ANK3: variants seen among roughly 807,000 people sequenced by gnomAD.
ANK3 encodes the protein ankyrin-3.
Under a neutral mutation model 370.9 loss-of-function variants are expected in ANK3, and 57 were observed. That is an observed-to-expected ratio of 0.15 (90% CI 0.12 to 0.19). ANK3 has a LOEUF of 0.19. ANK3 is among the 10% of genes least tolerant of loss of function. ANK3 has a pLI of 1.00. For synonymous variants in ANK3, 1,929 were observed against 1,946.3 expected (o/e 0.99, Z 0.23); for missense variants, 4,439 against 5,302.1 (o/e 0.84, Z 5.06).
At position 60,240,068 on chromosome 10, in the gene ANK3, T is replaced by TATATATACACATATATAC. The variant is rs2097408108; in HGVS notation, c.799-5283_799-5282insGTATATATGTGTATATAT. 1.7e-3 allele frequency among the ~76,000 whole-genome samples: 27 copies of TATATATACACATATATAC among 15,596 alleles called. No individual in the cohort carries two copies. The South Asian group carries it at 0.051, about 30-fold the overall frequency. 10.2% of individuals were successfully genotyped at this position (15,596 alleles called of 152,430 possible). A position where few individuals can be genotyped will look rare whatever the true frequency, so the allele number is the denominator to read the frequency against. The stretch of plus-strand genomic sequence containing the variant: ...ATATACATATATACACATATATACA[T>TATATATACACATATATAC]ATATATACATATATACACTATATAT... On this transcript the variant is annotated intron_variant, in intron 7 of 43. Transcript: ENST00000280772.
chr10:60,358,724 C>T (rs1189155627), intron 1 of ANK3, among the ~76,000 whole-genome samples: 3 of 152,316 alleles, frequency 2.0e-5, no homozygotes, highest in Non-Finnish European at 4.4e-5. Flanking sequence ...TCACCTGCTG[C>T]CATTCTTTCT....
chr10:60,119,882 C>A (rs932501343), intron 25 of ANK3, among the ~76,000 whole-genome samples: 2 of 151,878 alleles, frequency 1.3e-5, no homozygotes, highest in African/African-American at 2.4e-5. Context: ...ACAGTATGTC[C>A]ATACTGCCCA....
intron 23 of ANK3, among the ~76,000 whole-genome samples, chr10:60,151,139 G>T (rs956624465): frequency 1.3e-5 from 2 of 152,170 alleles, no homozygotes; most frequent in African/African-American, 2.4e-5. Flanking sequence ...CAAAGATACA[G>T]CACCAAGTAA....
At chr10:60,511,743 C>T (rs958180523) in intron 2 of ANK3, among the ~76,000 whole-genome samples, 2 of 151,710 alleles carry the variant, frequency 1.3e-5, no homozygotes, top group East Asian at 1.9e-4. Flanking sequence ...AGAACTCCTG[C>T]TTCCCCCACT....
intron 42 of ANK3, among the ~76,000 whole-genome samples, chr10:60,051,822 G>A (rs2078099745): frequency 6.6e-6 from 1 of 151,250 alleles, no homozygotes. Flanking sequence ...TAAAGATCAA[G>A]GTAGTTATAA....
chr10:60,051,644 C>A, intron 42 of ANK3: 15 of 366,778 alleles, frequency 4.1e-5, no homozygotes, highest in Non-Finnish European at 4.9e-5. Flanking sequence ...GAAAGAATTA[C>A]ACTTACTTGA....
intron 2 of ANK3, among the ~76,000 whole-genome samples, chr10:60,450,988 G>A (rs775308877): frequency 1.1e-4 from 17 of 152,172 alleles, no homozygotes; most frequent in Admixed American, 6.5e-4. Context: ...AGGATCTTGA[G>A]AAGAGATTAT....
chr10:60,575,954 T>G (rs1567159279), intron 2 of ANK3, among the ~76,000 whole-genome samples: 1 of 152,196 alleles, frequency 6.6e-6, no homozygotes, highest in Non-Finnish European at 1.5e-5. Flanking sequence ...AAATTAAAAT[T>G]GCTCTGTGTA....
Position 60,072,204 on chromosome 10 carries a change from G to A in ANK3, c.8677C>T (p.Gln2893Ter). ...GTCACAGACATAAATTCATTCTTTTGATCAACACTTTTACTCTCAGGGTGA... is the reference window on the plus strand; with the variant it reads ...GTCACAGACATAAATTCATTCTTTTAATCAACACTTTTACTCTCAGGGTGA... ...IGHPESKSVDQKNEFMSVTER... is the reference protein window; with the variant it reads ...IGHPESKSVD Residue 2893 changes from glutamine (Q) to a stop codon, truncating the protein, a stop_gained, in exon 37 of 44, where the codon CAA becomes TAA. Coordinates refer to ENST00000280772, the MANE Select transcript of ANK3 (RefSeq NM_020987.5). LOFTEE classifies it high-confidence loss of function. 6.2e-7 allele frequency: 1 copy of A among 1,613,684 alleles called. No homozygotes were observed. Among genetic ancestry groups the A allele is most frequent in the Non-Finnish European group, 8.5e-7 (1 of 1,179,934 alleles).
intron 25 of ANK3, among the ~76,000 whole-genome samples, chr10:60,121,921 C>T (rs1311210026): frequency 1.3e-5 from 2 of 152,076 alleles, no homozygotes; most frequent in Non-Finnish European, 2.9e-5. Context: ...TATATGCCTA[C>T]TATGTATTCA....
At chr10:60,144,337 T>C in intron 23 of ANK3, 1 of 294,818 alleles carries the variant, frequency 3.4e-6, no homozygotes, top group Non-Finnish European at 6.5e-6. Context: ...TTAAATGATG[T>C]GCATACACAA....
In ANK3 at chr10:60,198,490, G is replaced by A; in HGVS notation, c.1539C>T (p.Asp513=). 6 of 1,614,190 alleles carry A rather than the reference G, an allele frequency of 3.7e-6. No homozygotes were observed. The highest frequency in any genetic ancestry group is 5.1e-6 in the Non-Finnish European group (6 of 1,180,028). ...LHISARLGKA[D]IVQQLLQQGA... ...CTTGCTGCAACAGCTGTTGTACTAT[G>A]TCTGCTTTCCCCAGTCGGGCTGAAA... Residue 513 remains aspartate, a synonymous_variant, in exon 14 of 44, where the codon GAC becomes GAT. Transcript: ENST00000280772.
intron 43 of ANK3, among the ~76,000 whole-genome samples, chr10:60,031,115 C>A (rs1345405309): frequency 6.6e-6 from 1 of 152,020 alleles, no homozygotes; most frequent in Non-Finnish European, 1.5e-5. Flanking sequence ...AAGTCTCTCA[C>A]TTCTCCAAAA....
At chr10:60,172,804 C>G in intron 20 of ANK3, 96 bp downstream of exon 20, 1 of 740,724 alleles carries the variant, frequency 1.4e-6, no homozygotes, top group South Asian at 1.8e-5. Context: ...CTGTTTATGC[C>G]TCTTCATGAA....
At chr10:60,469,947 T>A (rs1335922440) in intron 2 of ANK3, among the ~76,000 whole-genome samples, 2 of 151,866 alleles carry the variant, frequency 1.3e-5, no homozygotes, top group Admixed American at 1.3e-4. Flanking sequence ...AATTGAATGG[T>A]CAAAGATAAC....
intron 1 of ANK3, among the ~76,000 whole-genome samples, chr10:60,359,529 TTGTCACA>T (rs2058291093): frequency 6.6e-6 from 1 of 152,228 alleles, no homozygotes; most frequent in African/African-American, 2.4e-5. Flanking sequence ...TTTTAAGCAT[TTGTCACA>T]TGTATTCTTA....
chr10:60,674,807 T>C (rs2079104814), intron 1 of ANK3, among the ~76,000 whole-genome samples: 3 of 152,228 alleles, frequency 2.0e-5, no homozygotes, highest in Admixed American at 2.0e-4. Flanking sequence ...AATGAACACA[T>C]ATATTCTGAG....
Position 60,044,053 on chromosome 10 carries a change from T to C in ANK3, c.13066-1294A>G, listed in dbSNP as rs562380189. On this transcript the variant is annotated intron_variant, in intron 42 of 43. Transcript: ENST00000280772. ...AAAGCTTTTGTCCTCTACATTCTCT[T>C]TGGCAATCCCTCTCCATTACCACAT... 6 of 985,770 alleles carry C rather than the reference T, an allele frequency of 6.1e-6. No individual in the cohort carries two copies. In the African/African-American group the frequency reaches 1.0e-4, roughly 17 times the overall value. 61.1% of individuals were successfully genotyped at this position (985,770 alleles called of 1,614,324 possible). A position where few individuals can be genotyped will look rare whatever the true frequency, so the allele number is the denominator to read the frequency against.
rs1289164152 is a variant in ANK3, at chr10:60,108,267, T to G, written c.3173+563A>C. 2.0e-5 allele frequency: 8 copies of G among 408,472 alleles called. No individual in the cohort carries two copies. In the Admixed American group the frequency reaches 2.6e-4, roughly 13 times the overall value. 25.3% of individuals were successfully genotyped at this position (408,472 alleles called of 1,614,324 possible). The stretch of plus-strand genomic sequence containing the variant: ...TCACCCTCATTTACAGGGGGAGGAT[T>G]GGTAGGAAGATGCAGTTTACTGAAT... On this transcript the variant is annotated intron_variant, in intron 27 of 43. Transcript: ENST00000280772.
Sources: allele counts gnomAD v4.1 joint callset (sites outside exome capture counted in the v4.1 genomes callset), GRCh38; gene constraint gnomAD v4.1.1; transcripts MANE v1.5; gene names NCBI Gene and HGNC (gene_info 2026-07-23, HGNC 2026-07-21).